The following NECAB3 variants were observed in gnomAD, a reference collection of about 807,000 sequenced individuals.
NECAB3 encodes N-terminal EF-hand calcium-binding protein 3.
NECAB3 carries 38 observed loss-of-function variants against 57.2 expected under a neutral mutation model. The observed-to-expected ratio is 0.66, with a 90% CI of 0.51 to 0.87. The LOEUF (loss-of-function observed/expected upper bound fraction) is 0.87. NECAB3 is among the 40% of genes least tolerant of loss of function. NECAB3 has a pLI of 0.00. For synonymous variants in NECAB3, 223 were observed against 222.6 expected, an observed-to-expected ratio of 1.00 and a Z score of -0.02; for missense variants, 474 against 527.5, an observed-to-expected ratio of 0.90 and a Z score of 0.99.
At chr20:33,666,282 G>C (rs1037441440) in intron 5 of NECAB3, among the ~76,000 whole-genome samples, 1 of 152,184 alleles carries the variant, frequency 6.6e-6, no homozygotes, top group Non-Finnish European at 1.5e-5. Flanking sequence ...ATAATTCTAA[G>C]TGGTTTGGGA....
chr20:33,659,110 C>T (rs970774942), intron 8 of NECAB3, among the ~76,000 whole-genome samples: 1 of 152,124 alleles, frequency 6.6e-6, no homozygotes, highest in African/African-American at 2.4e-5. Context: ...TTGACTGATG[C>T]CAGATCCAAC....
intron 5 of NECAB3, chr20:33,663,675 G>C: frequency 6.3e-7 from 1 of 1,588,844 alleles, no homozygotes; most frequent in African/African-American, 1.3e-5. Flanking sequence ...GCGAGCGCGA[G>C]CCGAGGATGC....
intron 5 of NECAB3, chr20:33,668,471 C>G: frequency 4.0e-6 from 2 of 495,896 alleles, no homozygotes; most frequent in Admixed American, 7.6e-5. Flanking sequence ...AGCTGCCTAC[C>G]CACAGGGCCC....
intron 5 of NECAB3, chr20:33,662,646 G>T: frequency 2.7e-6 from 2 of 733,256 alleles, no homozygotes; most frequent in South Asian, 3.8e-5. Flanking sequence ...GCCCATATGG[G>T]TGTGGATGGG....
intron 8 of NECAB3, 150 bp from the exon 9 acceptor site, chr20:33,658,984 G>C: frequency 1.6e-6 from 1 of 625,404 alleles, no homozygotes; most frequent in Non-Finnish European, 2.9e-6. Context: ...GCAGTGGTGT[G>C]TGGGATCACG....
intron 8 of NECAB3, 97 bp downstream of exon 8, chr20:33,659,400 C>G (rs1194356740): frequency 8.8e-7 from 1 of 1,132,330 alleles, no homozygotes; most frequent in Non-Finnish European, 1.2e-6. Context: ...CACATGCGCA[C>G]TGCAGAGGGT....
chr20:33,672,443 G>C (rs747612558), intron 1 of NECAB3, 21 bp from the exon 2 acceptor site: 2 of 1,614,042 alleles, frequency 1.2e-6, no homozygotes, highest in South Asian at 2.2e-5. Flanking sequence ...AAGGGACATA[G>C]AGAGAACTGT....
intron 2 of NECAB3, chr20:33,671,966 G>A (rs1372538285): frequency 5.3e-6 from 1 of 187,806 alleles, no homozygotes; most frequent in Admixed American, 5.7e-5. Flanking sequence ...CACACAAGGA[G>A]CCTGGGATTA....
chr20:33,657,476 GA>G lies in NECAB3; in HGVS notation c.*352del, dbSNP rs2017321886. The stretch of plus-strand genomic sequence containing the variant: ...TCCCAAGACAGCAGGAAGAAAGCAG[GA>G]CCCTCGCTAGGCGGCCAGATGGCCT... On this transcript the variant is annotated 3_prime_UTR_variant, in exon 12 of 12. Transcript: ENST00000246190. 1 of 306,078 alleles carries G rather than the reference GA, an allele frequency of 3.3e-6. No homozygotes were observed. Among genetic ancestry groups the G allele is most frequent in the African/African-American group, 2.2e-5 (1 of 45,752 alleles). The allele number at this position is 306,078 out of a possible 1,614,324, so 19.0% of individuals were successfully genotyped here.
intron 1 of NECAB3, among the ~76,000 whole-genome samples, chr20:33,673,497 G>GT (rs2017874991): frequency 6.6e-6 from 1 of 152,200 alleles, no homozygotes; most frequent in Non-Finnish European, 1.5e-5. Context: ...TCACCCTATT[G>GT]TATCCCTGCC....
intron 1 of NECAB3, among the ~76,000 whole-genome samples, chr20:33,673,184 G>T (rs539758226): frequency 4.9e-4 from 74 of 152,294 alleles, no homozygotes; most frequent in Non-Finnish European, 8.8e-4. Context: ...CTCTCTTAGT[G>T]ACCTGCTCCC....
rs1465144562 is a variant in NECAB3, at chr20:33,657,194, C to T, written c.*635G>A. The T allele has an allele frequency of 6.5e-6, 1 of 152,738 alleles. No homozygotes were observed. Among genetic ancestry groups the T allele is most frequent in the Non-Finnish European group, 1.5e-5 (1 of 68,086 alleles). The allele number at this position is 152,738 out of a possible 1,614,324, so 9.5% of individuals were successfully genotyped here. A position where few individuals can be genotyped will look rare whatever the true frequency, so the allele number is the denominator to read the frequency against. On this transcript the variant is annotated 3_prime_UTR_variant, in exon 12 of 12. Transcript: ENST00000246190. ...TGGACCCAAATTATTGCTACTTGGC[C>T]AGGTCACCTTGGGGCTTCCCATACT...
intron 5 of NECAB3, chr20:33,667,332 C>A: frequency 1.1e-6 from 1 of 895,960 alleles, no homozygotes; most frequent in Non-Finnish European, 1.5e-6. Context: ...TGGTGGCGGA[C>A]TGGGAGGCGC....
intron 5 of NECAB3, chr20:33,668,356 A>C (rs781590483): frequency 5.8e-6 from 8 of 1,380,526 alleles, no homozygotes; most frequent in Non-Finnish European, 7.7e-6. Flanking sequence ...GGTCACCCCC[A>C]TACCCTTTCT....
In NECAB3 at chr20:33,657,307, G is replaced by C. The variant is rs1020600297; in HGVS notation, c.*522C>G. The C allele has an allele frequency of 9.5e-5, 15 of 157,420 alleles. No homozygotes were observed. The highest frequency in any genetic ancestry group is 1.4e-5 in the Non-Finnish European group (1 of 71,534). 9.8% of individuals were successfully genotyped at this position (157,420 alleles called of 1,614,324 possible). A position where few individuals can be genotyped will look rare whatever the true frequency, so the allele number is the denominator to read the frequency against. ...AGAGGCCTCTGGCACATCCATGGGT[G>C]CTGGAAGAGTCAGAGCCTAGTGGCC... On this transcript the variant is annotated 3_prime_UTR_variant, in exon 12 of 12. Transcript: ENST00000246190.
At chr20:33,658,400 G>A in intron 10 of NECAB3, 77 bp downstream of exon 10, 1 of 1,439,574 alleles carries the variant, frequency 6.9e-7, no homozygotes, top group Non-Finnish European at 9.7e-7. Context: ...GTGAGCGGGA[G>A]AGCAGAATTA....
Position 33,659,999 on chromosome 20 carries a change from C to A in NECAB3, c.529G>T (p.Asp177Tyr). The part of the protein sequence containing the change: ...LEAQAHGWRS[D>Y]AESVEAQSRL... ...CTCTGCGCCTCCACGCTCTCTGCAT[C>A]TGACCTAGAGGAAGTGAGGCTCACA... Residue 177 changes from aspartate (D) to tyrosine (Y), a missense_variant, in exon 7 of 12, where the codon GAT (aspartate) becomes TAT (tyrosine). Physicochemically the swap from Asp to Tyr is radical, Grantham distance 160. Transcript: ENST00000246190. The A allele has an allele frequency of 6.3e-7, 1 of 1,576,038 alleles. No homozygotes were observed. Among genetic ancestry groups the A allele is most frequent in the Non-Finnish European group, 8.6e-7 (1 of 1,163,708 alleles).
In NECAB3 at chr20:33,659,920, C is replaced by A. The variant is rs370879169; in HGVS notation, c.608G>T (p.Arg203Leu). The A allele has an allele frequency of 4.5e-6, 7 of 1,548,562 alleles. No individual in the cohort carries two copies. The highest frequency in any genetic ancestry group is 3.9e-5 in the Admixed American group (2 of 51,104). ...AGAGCCGGGGGACCAGGTGGATGAC[C>A]GGCTGACACTCCTCAGGGCTCGGCG... ...AGRRALRSVS[R>L]SSTWSPGSSD... The change falls in exon 7 of 12, where the codon CGG (arginine) becomes CTG (leucine). Residue 203 changes from arginine to leucine, a missense_variant. Coordinates refer to ENST00000246190, the MANE Select transcript of NECAB3 (RefSeq NM_031232.4).
At chr20:33,667,601 G>C (rs1433167481) in intron 5 of NECAB3, 1 of 1,583,174 alleles carries the variant, frequency 6.3e-7, no homozygotes, top group South Asian at 1.1e-5. Context: ...ATCTACGCGG[G>C]TCACTCGTGG....
Sources: allele counts gnomAD v4.1 joint callset (sites outside exome capture counted in the v4.1 genomes callset), GRCh38; gene constraint gnomAD v4.1.1; transcripts MANE v1.5; gene names NCBI Gene and HGNC (gene_info 2026-07-23, HGNC 2026-07-21).